IGF2R: variants seen among roughly 807,000 people sequenced by gnomAD.
IGF2R encodes cation-independent mannose-6-phosphate receptor.
In IGF2R, 91 loss-of-function variants were observed where a neutral mutation model predicts 270.6. The ratio of observed to expected loss-of-function variants is 0.34; its 90% CI spans 0.28 to 0.40. The LOEUF (loss-of-function observed/expected upper bound fraction) is 0.40. Among genes scored for constraint, IGF2R ranks in the 10% least tolerant of loss-of-function variants. The probability of loss-of-function intolerance (pLI) is 1.00; values close to 1 mark genes in which losing one functional copy is unlikely to be tolerated. For synonymous variants in IGF2R, 1,316 were observed against 1,258.9 expected, an observed-to-expected ratio of 1.05 and a Z score of -0.96; for missense variants, 2,805 against 3,188.3, an observed-to-expected ratio of 0.88 and a Z score of 2.90.
At position 160,014,015 on chromosome 6, in the gene IGF2R, A is replaced by G. The variant is rs115784499; in HGVS notation, c.513+3230A>G. ...GCTTTCTACATCTTACTAATGTCTCATTTATTTATTCATTTTGCTCTGTCA... is the reference window on the plus strand; with the variant it reads ...GCTTTCTACATCTTACTAATGTCTCGTTTATTTATTCATTTTGCTCTGTCA... On this transcript the variant is annotated intron_variant, in intron 4 of 47. Coordinates refer to ENST00000356956, the MANE Select transcript of IGF2R (RefSeq NM_000876.4). 1.5e-3 allele frequency among the ~76,000 whole-genome samples: 235 copies of G among 152,296 alleles called. 1 individual carries two copies. Among genetic ancestry groups the G allele is most frequent in the African/African-American group, 5.5e-3 (228 of 41,564 alleles).
At chr6:159,979,195 G>T (rs1301807011) in intron 1 of IGF2R, among the ~76,000 whole-genome samples, 1 of 152,178 alleles carries the variant, frequency 6.6e-6, no homozygotes, top group African/African-American at 2.4e-5. Context: ...AAATTAACTT[G>T]TTGCTATCTG....
intron 4 of IGF2R, among the ~76,000 whole-genome samples, chr6:160,022,760 G>A (rs1373951069): frequency 6.6e-6 from 1 of 152,208 alleles, no homozygotes; most frequent in African/African-American, 2.4e-5. Context: ...GTGAGGCTGA[G>A]TATGGGAGAC....
chr6:160,054,579 C>T (rs1353659931), intron 19 of IGF2R, among the ~76,000 whole-genome samples: 2 of 152,106 alleles, frequency 1.3e-5, no homozygotes, highest in African/African-American at 4.8e-5. Flanking sequence ...GGGAAGAAAG[C>T]CTAGTGGTTA....
chr6:160,088,986 C>T (rs371312542), intron 42 of IGF2R, 121 bp from the exon 43 acceptor site: 14 of 1,014,710 alleles, frequency 1.4e-5, no homozygotes, highest in Non-Finnish European at 1.5e-5. Flanking sequence ...ACTGAAGTCT[C>T]GCAGCACCTT....
At chr6:160,040,378 G>C (rs1261305870) in intron 10 of IGF2R, among the ~76,000 whole-genome samples, 182 bp from the exon 11 acceptor site, 2 of 152,222 alleles carry the variant, frequency 1.3e-5, no homozygotes, top group African/African-American at 4.8e-5. Flanking sequence ...TTAGGGTTAA[G>C]CATCTGAAGC....
chr6:160,039,808 CG>C (rs1440035097), intron 10 of IGF2R, among the ~76,000 whole-genome samples: 3 of 152,098 alleles, frequency 2.0e-5, no homozygotes, highest in Non-Finnish European at 2.9e-5. Flanking sequence ...TGAATCTCAG[CG>C]TCCATGGGAT....
intron 4 of IGF2R, among the ~76,000 whole-genome samples, chr6:160,012,771 T>A (rs200970781): frequency 0.33 from 38,267 of 115,150 alleles, 6,987 homozygotes; most frequent in East Asian, 0.55. Context: ...ATATTTTTTT[T>A]TTTTTTTGTT....
chr6:160,043,958 A>G (rs1239410520), intron 12 of IGF2R, among the ~76,000 whole-genome samples: 3 of 152,258 alleles, frequency 2.0e-5, no homozygotes, highest in African/African-American at 4.8e-5. Flanking sequence ...AGGCATGTCC[A>G]TGTCTTTACT....
intron 35 of IGF2R, among the ~76,000 whole-genome samples, chr6:160,074,771 A>G (rs901300420): frequency 6.6e-6 from 1 of 152,242 alleles, no homozygotes; most frequent in Non-Finnish European, 1.5e-5. Flanking sequence ...AAAGATGGCC[A>G]TTATATGTGG....
intron 44 of IGF2R, chr6:160,095,929 AG>A (rs1224261394): frequency 6.6e-6 from 1 of 152,454 alleles, no homozygotes; most frequent in African/African-American, 2.4e-5. Context: ...ACAGGGGAGT[AG>A]CCAGGCTGGA....
intron 44 of IGF2R, chr6:160,093,844 TATCTC>T (rs1297245968): frequency 2.3e-5 from 17 of 729,748 alleles, no homozygotes; most frequent in African/African-American, 1.2e-4. Context: ...TCCAAATAAA[TATCTC>T]AGATAAGCAG....
chr6:160,099,633 C>T (rs1179972275), intron 45 of IGF2R, among the ~76,000 whole-genome samples: 2 of 152,176 alleles, frequency 1.3e-5, no homozygotes, highest in Non-Finnish European at 2.9e-5. Flanking sequence ...TCCCAAAGTG[C>T]TGGGATTACA....
At chr6:160,008,230 A>C (rs1005611578) in intron 2 of IGF2R, among the ~76,000 whole-genome samples, 22 of 152,096 alleles carry the variant, frequency 1.4e-4, no homozygotes, top group African/African-American at 5.3e-4. Context: ...TAGGGATCCA[A>C]TTTTGTCTTT....
intron 35 of IGF2R, 38 bp downstream of exon 35, chr6:160,074,013 C>A: frequency 1.3e-6 from 2 of 1,481,654 alleles, no homozygotes; most frequent in Non-Finnish European, 1.9e-6. Context: ...ATAATTTTTG[C>A]AAGACTTTTA....
rs140091632 is a variant in IGF2R, at chr6:160,072,795, G to T, written c.4601G>T (p.Gly1534Val). Residue 1534 changes from glycine to valine, a missense_variant, in exon 33 of 48, where the codon GGC (glycine) becomes GTC (valine). Physicochemically the swap from Gly to Val is moderately radical, Grantham distance 109 (BLOSUM62 -3). Coordinates refer to ENST00000356956, the MANE Select transcript of IGF2R (RefSeq NM_000876.4). ...GHLFDLSSLS[G>V]RAGFTAAYSE... ...CTGTTTGATCTGAGCTCCTTAAGTG[G>T]CAGGGCGGGATTCACAGCTGCTTAC... 3 of 1,614,052 alleles carry T rather than the reference G, an allele frequency of 1.9e-6. No individual in the cohort carries two copies. In the African/African-American group the frequency reaches 4.0e-5, roughly 22 times the overall value.
chr6:160,044,767 A>G (rs573707614), intron 13 of IGF2R, 110 bp downstream of exon 13: 49 of 876,216 alleles, frequency 5.6e-5, no homozygotes, highest in Admixed American at 8.6e-5. Context: ...ACAGATTGGC[A>G]TGGTGTTCAG....
At chr6:160,096,268 G>A (rs1283797973) in intron 44 of IGF2R, 171 bp from the exon 45 acceptor site, 3 of 588,878 alleles carry the variant, frequency 5.1e-6, no homozygotes, top group South Asian at 2.3e-5. Context: ...CTCTATCCAT[G>A]TGCATCGAGT....
At chr6:160,064,935 G>A in intron 29 of IGF2R, 34 bp downstream of exon 29, 2 of 1,383,930 alleles carry the variant, frequency 1.4e-6, no homozygotes, top group Non-Finnish European at 2.1e-6. Context: ...CTTTTGGACA[G>A]ACTAACTTGG....
At chr6:160,054,468 G>A (rs73596488) in intron 19 of IGF2R, among the ~76,000 whole-genome samples, 5 of 152,292 alleles carry the variant, frequency 3.3e-5, no homozygotes, top group Admixed American at 2.6e-4. Flanking sequence ...CTGGTCGATT[G>A]TTGTGTTGTC....
Sources: gnomAD v4.1 joint callset for allele counts (sites outside exome capture counted in the v4.1 genomes callset) on GRCh38, gnomAD v4.1.1 for gene constraint, MANE v1.5 for transcripts, NCBI Gene and HGNC (gene_info 2026-07-23, HGNC 2026-07-21) for gene names.